Variants in OBSL1 observed in about 807,000 individuals in gnomAD.
The protein encoded by OBSL1 is obscurin-like protein 1.
OBSL1 carries 160 observed loss-of-function variants against 172.0 expected under a neutral mutation model. That is an observed-to-expected ratio of 0.93 (90% CI 0.82 to 1.06). The LOEUF (loss-of-function observed/expected upper bound fraction) is 1.06, where lower values mean the gene tolerates loss of function less well. Among genes scored for constraint, OBSL1 ranks in the 50% least tolerant of loss-of-function variants. The pLI is 0.00. For synonymous variants in OBSL1, 1,200 were observed against 1,196.3 expected (o/e 1.00, Z -0.06); for missense variants, 2,681 against 2,715.4 (o/e 0.99, Z 0.28).
chr2:219,556,459 A>G lies in OBSL1; in HGVS notation c.4331T>C (p.Val1444Ala). Reference protein sequence around the residue: ...GSTATSARLHVRETELLFLRR... With the variant: ...GSTATSARLHARETELLFLRR... ...CATCCTCATCAGGACCTAACCTCGAACATGGAGCCGGGCACTTGTGGCCGT... is the reference window on the plus strand; with the variant it reads ...CATCCTCATCAGGACCTAACCTCGAGCATGGAGCCGGGCACTTGTGGCCGT... Residue 1444 changes from valine (V) to alanine (A), a missense_variant, in exon 13 of 21, where the codon GTT becomes GCT. Around this residue, in one of 5 missense-constraint regions of OBSL1, gnomAD observed 1,765 missense variants for 1,748.3 expected, o/e 1.01. Coordinates refer to ENST00000404537, the MANE Select transcript of OBSL1 (RefSeq NM_015311.3). 1.9e-6 allele frequency: 3 copies of G among 1,613,754 alleles called. No individual in the cohort carries two copies. Among genetic ancestry groups the G allele is most frequent in the Non-Finnish European group, 2.5e-6 (3 of 1,179,866 alleles).
Position 219,570,201 on chromosome 2 carries a change from G to A in OBSL1, c.1012+20C>T, listed in dbSNP as rs1048252882. The stretch of plus-strand genomic sequence containing the variant: ...GGAGGACACTCGAGGCCCCTCCCTA[G>A]GTCCCGGGCTCCGCCGTACCTTTCA... On this transcript the variant is annotated intron_variant, in intron 1 of 20. Transcript: ENST00000404537. 1.3e-6 allele frequency: 2 copies of A among 1,514,102 alleles called. No individual in the cohort carries two copies. Among genetic ancestry groups the A allele is most frequent in the Non-Finnish European group, 8.8e-7 (1 of 1,131,350 alleles). The allele number at this position is 1,514,102 out of a possible 1,614,324, so 93.8% of individuals were successfully genotyped here.
chr2:219,552,091 G>A, intron 19 of OBSL1, 21 bp downstream of exon 19: 6 of 1,580,616 alleles, frequency 3.8e-6, no homozygotes, highest in Non-Finnish European at 4.3e-6. Flanking sequence ...ACTCTCTGTC[G>A]CTCCCACCCC....
chr2:219,556,335 G>A, intron 13 of OBSL1, 43 bp from the exon 14 acceptor site: 1 of 1,569,036 alleles, frequency 6.4e-7, no homozygotes, highest in Non-Finnish European at 8.7e-7. Flanking sequence ...TGGGGTTGGA[G>A]GCTGGCCCCT....
chr2:219,547,275 A>G (rs911684151), downstream of OBSL1: 2 of 424,024 alleles, frequency 4.7e-6, no homozygotes, highest in South Asian at 1.7e-4. Context: ...CATGATCTCA[A>G]TGGTTATGTT....
intron 15 of OBSL1, 59 bp from the exon 16 acceptor site, chr2:219,553,745 G>C: frequency 8.5e-7 from 1 of 1,174,604 alleles, no homozygotes; most frequent in Non-Finnish European, 1.3e-6. Flanking sequence ...CATCTTGCAG[G>C]GACAAGGAGG....
In OBSL1 at chr2:219,551,637, G is replaced by A. The variant is rs778492270; in HGVS notation, c.5575C>T (p.His1859Tyr). ...CPGDKYEMRS[H>Y]GPTHSLVIHD... ...ATGACCAGGCTGTGGGTGGGGCCGT[G>A]GCTGCGCATCTCATACTTATCTCCC... Residue 1859 changes from histidine to tyrosine, a missense_variant, in exon 20 of 21, where the codon CAC becomes TAC. Coordinates refer to ENST00000404537, the MANE Select transcript of OBSL1 (RefSeq NM_015311.3). The A allele has an allele frequency of 7.4e-6, 12 of 1,611,682 alleles. No homozygotes were observed. Among genetic ancestry groups the A allele is most frequent in the Admixed American group, 1.7e-5 (1 of 59,792 alleles).
chr2:219,549,853 A>G, downstream of OBSL1: 2 of 1,613,788 alleles, frequency 1.2e-6, no homozygotes, highest in Non-Finnish European at 1.7e-6. Flanking sequence ...GTGCGGGTAT[A>G]GCCATATCTG....
intron 16 of OBSL1, 32 bp downstream of exon 16, chr2:219,553,542 T>C: frequency 6.6e-7 from 1 of 1,506,432 alleles, no homozygotes; most frequent in Non-Finnish European, 9.2e-7. Flanking sequence ...GGTGTTACAC[T>C]GAAGTGGGCT....
chr2:219,554,699 T>C lies in OBSL1; in HGVS notation c.4651A>G (p.Ile1551Val). ...RVLRPLEDVT[I>V]SEGGSATFQL... is the part of the protein sequence containing the mutation. ...AAGGTGGCACTGCCCCCCTCACTGA[T>C]GGTCACGTCCTCCAGAGGCCGCAGC... The change falls in exon 15 of 21, where the codon ATC becomes GTC. Residue 1551 changes from isoleucine (I) to valine (V), a missense_variant. Transcript: ENST00000404537. 1 of 1,580,390 alleles carries C rather than the reference T, an allele frequency of 6.3e-7. No individual in the cohort carries two copies. Among genetic ancestry groups the C allele is most frequent in the South Asian group, 1.1e-5 (1 of 87,148 alleles).
In OBSL1 at chr2:219,568,520, A is replaced by G. The variant is rs1443940181; in HGVS notation, c.1013-196T>C. ...TGAGTTCTCATCCAGCCCTGACACT[A>G]GCCACATCACCTTAAGCAAGTCCAT... On this transcript the variant is annotated intron_variant, in intron 1 of 20. Coordinates refer to ENST00000404537, the MANE Select transcript of OBSL1 (RefSeq NM_015311.3). This position sits in a 1 kb window ranked among gnomAD's most constrained non-coding sequence, Gnocchi z 4.1. 6.6e-6 allele frequency among the ~76,000 whole-genome samples: 1 copy of G among 152,196 alleles called. No homozygotes were observed. The highest frequency in any genetic ancestry group is 6.5e-5 in the Admixed American group (1 of 15,280).
chr2:219,558,398 T>C lies in OBSL1; in HGVS notation c.3288A>G (p.Pro1096=). Residue 1096 remains proline, a synonymous_variant, in exon 10 of 21, where the codon CCA becomes CCG. Transcript: ENST00000404537. ...ARSLDLHFGA[P]GRVELRCEVA... ...CCTCACAGCGCAGCTCCACGCGCCC[T>C]GGAGCCCCAAAATGCAGATCCAGGG... is the stretch of plus-strand genomic sequence containing the variant. The C allele has an allele frequency of 4.4e-6, 7 of 1,606,000 alleles. No individual in the cohort carries two copies. The highest frequency in any genetic ancestry group is 5.9e-6 in the Non-Finnish European group (7 of 1,177,266).
At position 219,571,348 on chromosome 2, in the gene OBSL1, C is replaced by T. The variant is rs1345672628; in HGVS notation, c.-116G>A. Reference sequence around the variant, plus strand: ...CGCGGCTGGGGACTGGGCGCGGGGACCCGCGGAGCTCTCCCGGGCCTCCCG... The same window carrying T: ...CGCGGCTGGGGACTGGGCGCGGGGATCCGCGGAGCTCTCCCGGGCCTCCCG... On this transcript the variant is annotated 5_prime_UTR_variant, in exon 1 of 21. Coordinates refer to ENST00000404537, the MANE Select transcript of OBSL1 (RefSeq NM_015311.3). The T allele has an allele frequency of 3.3e-6, 2 of 611,044 alleles. No homozygotes were observed. The highest frequency in any genetic ancestry group is 4.7e-6 in the Non-Finnish European group (2 of 429,850). 37.9% of individuals were successfully genotyped at this position (611,044 alleles called of 1,614,324 possible). A position where few individuals can be genotyped will look rare whatever the true frequency, so the allele number is the denominator to read the frequency against.
chr2:219,547,318 C>T (rs996082016), downstream of OBSL1: 9 of 476,478 alleles, frequency 1.9e-5, no homozygotes, highest in Non-Finnish European at 3.3e-5. Context: ...AGCCATATCT[C>T]TCTAACCTCC....
At chr2:219,564,792 A>C (rs78978549) in intron 6 of OBSL1, among the ~76,000 whole-genome samples, 72 of 152,304 alleles carry the variant, frequency 4.7e-4, no homozygotes, top group East Asian at 3.1e-3. Flanking sequence ...AGAAAGAAAG[A>C]AAGCCAGGCA....
At chr2:219,558,525 A>G in intron 9 of OBSL1, 66 bp from the exon 10 acceptor site, 1 of 1,474,796 alleles carries the variant, frequency 6.8e-7, no homozygotes. Context: ...CTCACCCGCC[A>G]GATCCTCAGC....
chr2:219,554,880 T>G, intron 14 of OBSL1, 140 bp from the exon 15 acceptor site: 1 of 939,898 alleles, frequency 1.1e-6, no homozygotes, highest in Non-Finnish European at 1.5e-6. Flanking sequence ...GGAACCAGGG[T>G]GCAGGAAGAA....
intron 6 of OBSL1, 29 bp from the exon 7 acceptor site, chr2:219,563,656 C>T: frequency 6.3e-7 from 1 of 1,599,294 alleles, no homozygotes; most frequent in South Asian, 1.1e-5. Context: ...TGGCATTGCA[C>T]AGACACCCCC....
Position 219,555,043 on chromosome 2 carries a change from CACTA to C in OBSL1, c.4610-307_4610-304del. The C allele has an allele frequency of 9.6e-6, 4 of 418,810 alleles. No homozygotes were observed. The East Asian group carries it at 1.6e-4, about 16-fold the overall frequency. 25.9% of individuals were successfully genotyped at this position (418,810 alleles called of 1,614,324 possible). A position where few individuals can be genotyped will look rare whatever the true frequency, so the allele number is the denominator to read the frequency against. ...GGAGCACGGAATTTGGAGTCAGACA[CACTA>C]GGAATGGAACCTCGCTCTACCACAT... On this transcript the variant is annotated intron_variant, in intron 14 of 20. Transcript: ENST00000404537.
chr2:219,549,353 C>T (rs779729463), downstream of OBSL1: 10 of 1,611,124 alleles, frequency 6.2e-6, no homozygotes, highest in East Asian at 4.5e-5. Context: ...GTCCTCTCCC[C>T]GGTGAGCTCC....
Sources: allele counts gnomAD v4.1 joint callset (sites outside exome capture counted in the v4.1 genomes callset), GRCh38; gene constraint gnomAD v4.1.1; regional missense constraint gnomAD v4.1.1; non-coding constraint Gnocchi (gnomAD v3.1); transcripts MANE v1.5; gene names NCBI Gene and HGNC (gene_info 2026-07-23, HGNC 2026-07-21).